The following MMS22L variants were observed in gnomAD, a reference collection of about 807,000 sequenced individuals.
MMS22L encodes the protein MMS22 like, DNA repair protein.
MMS22L carries 74 observed loss-of-function variants against 159.1 expected under a neutral mutation model. The observed-to-expected ratio is 0.47, with a 90% CI of 0.39 to 0.56. The LOEUF (loss-of-function observed/expected upper bound fraction) is 0.56. MMS22L is among the 20% of genes least tolerant of loss of function. The pLI is 0.00. For synonymous variants in MMS22L, 517 were observed against 506.9 expected (o/e 1.02, Z -0.27); for missense variants, 1,351 against 1,422.1 (o/e 0.95, Z 0.80).
intron 14 of MMS22L, among the ~76,000 whole-genome samples, chr6:97,221,318 G>A (rs967625843): frequency 2.0e-5 from 3 of 151,978 alleles, no homozygotes; most frequent in Non-Finnish European, 4.4e-5. Context: ...TTTAGATAGG[G>A]ACTGAAAAAG....
At chr6:97,152,591 A>G (rs1801421000) in intron 22 of MMS22L, among the ~76,000 whole-genome samples, 2 of 152,138 alleles carry the variant, frequency 1.3e-5, no homozygotes, top group Non-Finnish European at 2.9e-5. Flanking sequence ...AGAATAAAAA[A>G]AAGTTCAGAA....
intron 8 of MMS22L, 150 bp downstream of exon 8, chr6:97,267,722 T>C (rs1356337323): frequency 1.7e-6 from 1 of 596,794 alleles, no homozygotes; most frequent in African/African-American, 1.9e-5. Flanking sequence ...ATAAAAATTG[T>C]TTTCCCTTTC....
At chr6:97,147,568 C>A (rs1055712718) in intron 24 of MMS22L, among the ~76,000 whole-genome samples, 4 of 152,178 alleles carry the variant, frequency 2.6e-5, no homozygotes, top group African/African-American at 9.7e-5. Flanking sequence ...GTGGTTCACA[C>A]ACAGCCTCTC....
chr6:97,280,673 G>A (rs1816683093), intron 3 of MMS22L, among the ~76,000 whole-genome samples: 1 of 152,128 alleles, frequency 6.6e-6, no homozygotes, highest in Non-Finnish European at 1.5e-5. Context: ...GTATTTATGG[G>A]TGAAACGACA....
At chr6:97,263,695 C>T in intron 8 of MMS22L, 1 of 273,854 alleles carries the variant, frequency 3.7e-6, no homozygotes, top group Non-Finnish European at 6.7e-6. Context: ...GTGCCGTGGT[C>T]AGCAAACTTT....
rs186641635 is a variant in MMS22L, at chr6:97,238,074, A to C, written c.1183-4094T>G. Among the ~76,000 whole-genome samples, 202 of 152,368 alleles carry C rather than the reference A, an allele frequency of 1.3e-3. 1 individual carries two copies. The highest frequency in any genetic ancestry group is 4.6e-3 in the African/African-American group (191 of 41,586). On this transcript the variant is annotated intron_variant, in intron 11 of 24. Coordinates refer to ENST00000683635, the MANE Select transcript of MMS22L (RefSeq NM_001350599.2). ...TGGAGTTAAACATATGAAAATTCAAATCTCAGTTCTGCCATTTCCTAAGCT... is the reference window on the plus strand; with the variant it reads ...TGGAGTTAAACATATGAAAATTCAACTCTCAGTTCTGCCATTTCCTAAGCT...
At chr6:97,253,288 T>C (rs898973265) in intron 10 of MMS22L, among the ~76,000 whole-genome samples, 1 of 152,158 alleles carries the variant, frequency 6.6e-6, no homozygotes, top group Non-Finnish European at 1.5e-5. Flanking sequence ...TTCTCAAAGC[T>C]GGGTCTATCC....
At chr6:97,160,810 A>C (rs1479258638) in intron 22 of MMS22L, among the ~76,000 whole-genome samples, 2 of 151,658 alleles carry the variant, frequency 1.3e-5, no homozygotes, top group Non-Finnish European at 2.9e-5. Flanking sequence ...TCTGTGCTTT[A>C]GATTGTATGA....
chr6:97,272,137 T>C (rs887186275), intron 6 of MMS22L: 1 of 152,236 alleles, frequency 6.6e-6, no homozygotes, highest in South Asian at 2.1e-4. Flanking sequence ...CTATTACTTA[T>C]CTATAAGCTA....
At chr6:97,208,017 AG>A (rs1186012616) in intron 14 of MMS22L, among the ~76,000 whole-genome samples, 2 of 152,196 alleles carry the variant, frequency 1.3e-5, no homozygotes, top group Non-Finnish European at 2.9e-5. Context: ...GATGTATTTA[AG>A]TATAAGAAGC....
intron 1 of MMS22L, among the ~76,000 whole-genome samples, chr6:97,282,818 T>G (rs1008949206): frequency 6.6e-6 from 1 of 152,102 alleles, no homozygotes; most frequent in Non-Finnish European, 1.5e-5. Flanking sequence ...CTGCAGGACA[T>G]AGCGTCCCGG....
At position 97,186,644 on chromosome 6, in the gene MMS22L, C is replaced by T. The variant is rs1334886829; in HGVS notation, c.2086G>A (p.Asp696Asn). The change falls in exon 15 of 25, where the codon GAC (aspartate) becomes AAC (asparagine). Residue 696 changes from aspartate (D) to asparagine (N), a missense_variant. By Grantham distance (23) the Asp-to-Asn change is conservative. Coordinates refer to ENST00000683635, the MANE Select transcript of MMS22L (RefSeq NM_001350599.2). ...LCQELQRDNV[D>N]LFVQSSLSAK... ...GATAATGAAGACTGTACAAATAGGT[C>T]CACATTGTCCCTTTGAAGTTCCTGA... The T allele has an allele frequency of 1.3e-6, 2 of 1,585,744 alleles. No homozygotes were observed. The highest frequency in any genetic ancestry group is 1.7e-6 in the Non-Finnish European group (2 of 1,168,050).
chr6:97,277,420 T>A (rs982495499), intron 4 of MMS22L, among the ~76,000 whole-genome samples: 4 of 151,478 alleles, frequency 2.6e-5, no homozygotes, highest in South Asian at 4.2e-4. Flanking sequence ...TCTCAAAAAA[T>A]AATAATAATA....
chr6:97,255,085 G>A (rs911597576), intron 9 of MMS22L, among the ~76,000 whole-genome samples: 3 of 151,944 alleles, frequency 2.0e-5, no homozygotes, highest in Admixed American at 1.3e-4. Flanking sequence ...GTATTCTCAA[G>A]CGGCTTGTTT....
intron 22 of MMS22L, among the ~76,000 whole-genome samples, chr6:97,160,081 G>GTATTTATA (rs1442893275): frequency 6.8e-5 from 10 of 147,582 alleles, no homozygotes; most frequent in Non-Finnish European, 1.3e-4. Context: ...ATTTCTATAA[G>GTATTTATA]TTATAGGCCC....
rs776175586 is a variant in MMS22L at position 97,173,103 on chromosome 6, T to TC, written c.2798_2799insG (p.Val934SerfsTer28). On this transcript the variant is annotated frameshift_variant, in exon 19 of 25. Transcript: ENST00000683635. LOFTEE classifies it high-confidence loss of function. Reference sequence around the variant, plus strand: ...TCAGCTGCAGCCCTGCACTGAAAACTTTTTTTCCCAAATAAGGCTTAATAT... The same window carrying TC: ...TCAGCTGCAGCCCTGCACTGAAAACTCTTTTTTCCCAAATAAGGCTTAATAT... The TC allele has an allele frequency of 6.2e-7, 1 of 1,612,158 alleles. No individual in the cohort carries two copies. The highest frequency in any genetic ancestry group is 8.5e-7 in the Non-Finnish European group (1 of 1,179,172).
intron 16 of MMS22L, among the ~76,000 whole-genome samples, chr6:97,180,303 G>A (rs528365544): frequency 6.6e-5 from 10 of 152,044 alleles, no homozygotes; most frequent in South Asian, 4.2e-4. Context: ...GCGTTTCACC[G>A]TGTTAGCCAG....
At chr6:97,264,230 C>A (rs1211310849) in intron 8 of MMS22L, 1 of 152,036 alleles carries the variant, frequency 6.6e-6, no homozygotes, top group Non-Finnish European at 1.5e-5. Flanking sequence ...CCTGAGTCAT[C>A]TACAACAAAA....
chr6:97,218,615 C>A (rs188903531), intron 14 of MMS22L, among the ~76,000 whole-genome samples: 2 of 152,102 alleles, frequency 1.3e-5, no homozygotes, highest in African/African-American at 4.8e-5. Context: ...ATATGTCTCC[C>A]CTTTAGAAAA....
Sources: gnomAD v4.1 joint callset for allele counts (sites outside exome capture counted in the v4.1 genomes callset) on GRCh38, gnomAD v4.1.1 for gene constraint, MANE v1.5 for transcripts, NCBI Gene and HGNC (gene_info 2026-07-23, HGNC 2026-07-21) for gene names.